The following STX8 variants were observed in gnomAD, a reference collection of about 807,000 sequenced individuals.
STX8 encodes the protein syntaxin-8.
STX8 carries 23 observed loss-of-function variants against 37.5 expected under a neutral mutation model. The ratio of observed to expected loss-of-function variants is 0.61; its 90% confidence interval spans 0.44 to 0.87. The LOEUF (loss-of-function observed/expected upper bound fraction) is 0.87, where lower values mean the gene tolerates loss of function less well. Ranked by LOEUF, STX8 falls within the 40% of genes least tolerant of loss-of-function variation. The probability of loss-of-function intolerance (pLI) is 0.00; values close to 1 mark genes in which losing one functional copy is unlikely to be tolerated. For missense variants in STX8, 313 were observed against 284.7 expected (o/e 1.10, Z -0.71); for synonymous variants, 115 against 99.1 (o/e 1.16, Z -0.95).
intron 7 of STX8, among the ~76,000 whole-genome samples, chr17:9,300,315 G>A (rs1189626347): frequency 8.6e-6 from 1 of 116,512 alleles, no homozygotes; most frequent in African/African-American, 3.1e-5. Context: ...TGGGCAACAA[G>A]AGCGAAACTC....
In STX8 at chr17:9,445,051, G is replaced by A. The variant is rs1597676553; in HGVS notation, c.541+46778C>T. ...CAGATTGATGTGTAGTTCGAGTGGAGAAGCTAGCTAAAGAGAACTTAGGGA... is the reference window on the plus strand; with the variant it reads ...CAGATTGATGTGTAGTTCGAGTGGAAAAGCTAGCTAAAGAGAACTTAGGGA... On this transcript the variant is annotated intron_variant, in intron 6 of 7. Transcript: ENST00000306357. Among the ~76,000 whole-genome samples, 5 of 151,954 alleles carry A rather than the reference G, an allele frequency of 3.3e-5. No homozygotes were observed. In the South Asian group the frequency reaches 1.0e-3, roughly 32 times the overall value.
At chr17:9,295,361 T>C (rs145308355) in intron 7 of STX8, among the ~76,000 whole-genome samples, 3 of 152,358 alleles carry the variant, frequency 2.0e-5, no homozygotes, top group Non-Finnish European at 4.4e-5. Context: ...TAGTCAACTT[T>C]ATAGTCCTGG....
intron 7 of STX8, among the ~76,000 whole-genome samples, chr17:9,308,936 CAT>C (rs904394863): frequency 6.6e-6 from 1 of 151,774 alleles, no homozygotes; most frequent in Non-Finnish European, 1.5e-5. Flanking sequence ...CAAGGATAAA[CAT>C]AAAAGGAACC....
At chr17:9,529,587 A>G (rs915882963) in intron 4 of STX8, among the ~76,000 whole-genome samples, 1 of 152,030 alleles carries the variant, frequency 6.6e-6, no homozygotes, top group Admixed American at 6.6e-5. Flanking sequence ...ACTTCCCCCA[A>G]AGGGAACCGC....
rs372135016 is a variant in STX8, at chr17:9,483,210, T to C, written c.541+8619A>G. 9.2e-5 allele frequency among the ~76,000 whole-genome samples: 14 copies of C among 152,218 alleles called. No individual in the cohort carries two copies. In the South Asian group the frequency reaches 2.7e-3, roughly 29 times the overall value. On this transcript the variant is annotated intron_variant, in intron 6 of 7. Transcript: ENST00000306357. ...CCCCCGCAGAAGCTCTCAGGAAGAATCCATTTCCTGGCTTTATTCCAGCTT... is the reference window on the plus strand; with the variant it reads ...CCCCCGCAGAAGCTCTCAGGAAGAACCCATTTCCTGGCTTTATTCCAGCTT...
At chr17:9,309,796 T>C (rs1020002773) in intron 7 of STX8, among the ~76,000 whole-genome samples, 2 of 152,132 alleles carry the variant, frequency 1.3e-5, no homozygotes, top group Non-Finnish European at 2.9e-5. Flanking sequence ...ATAGGAAAAG[T>C]ACAAATATTA....
At chr17:9,455,197 G>A (rs2142409028) in intron 6 of STX8, among the ~76,000 whole-genome samples, 1 of 152,038 alleles carries the variant, frequency 6.6e-6, no homozygotes, top group South Asian at 2.1e-4. Flanking sequence ...GCAAGACCCT[G>A]TCTCTTAAAA....
At chr17:9,344,792 C>G (rs536473549) in intron 7 of STX8, among the ~76,000 whole-genome samples, 2 of 152,148 alleles carry the variant, frequency 1.3e-5, no homozygotes, top group African/African-American at 4.8e-5. Context: ...TCAAACTAAG[C>G]GACTCTAAAA....
intron 4 of STX8, among the ~76,000 whole-genome samples, chr17:9,522,514 G>C (rs967522488): frequency 1.5e-5 from 2 of 137,824 alleles, no homozygotes; most frequent in Admixed American, 8.0e-5. Context: ...AGGCTAACAC[G>C]GTGAAACTCC....
At chr17:9,284,574 C>T (rs1299654034) in intron 7 of STX8, among the ~76,000 whole-genome samples, 1 of 152,040 alleles carries the variant, frequency 6.6e-6, no homozygotes, top group Non-Finnish European at 1.5e-5. Flanking sequence ...AAGATATGAG[C>T]AATGACAGTT....
chr17:9,492,042 A>G (rs1164153081), intron 5 of STX8, 121 bp from the exon 6 acceptor site: 1 of 629,656 alleles, frequency 1.6e-6, no homozygotes, highest in African/African-American at 1.8e-5. Context: ...AAAAGAGAAA[A>G]GAGTTAACAT....
Position 9,395,791 on chromosome 17 carries a change from C to A in STX8, c.542-17138G>T, listed in dbSNP as rs1000299834. Among the ~76,000 whole-genome samples the A allele has an allele frequency of 2.6e-5, 4 of 152,254 alleles. No individual in the cohort carries two copies. The Middle Eastern group carries it at 0.01, about 388-fold the overall frequency. On this transcript the variant is annotated intron_variant, in intron 6 of 7. Coordinates refer to ENST00000306357, the MANE Select transcript of STX8 (RefSeq NM_004853.3). ...AGCCAAAAATGACTAAGATCCAAGACAATTATACCCAGAAGTTCAAATGTG... is the reference window on the plus strand; with the variant it reads ...AGCCAAAAATGACTAAGATCCAAGAAAATTATACCCAGAAGTTCAAATGTG...
chr17:9,564,219 T>C (rs923771552), intron 2 of STX8, among the ~76,000 whole-genome samples: 2 of 150,170 alleles, frequency 1.3e-5, no homozygotes, highest in East Asian at 2.0e-4. Flanking sequence ...CTATTCAACA[T>C]AGTATTGGAA....
intron 6 of STX8, among the ~76,000 whole-genome samples, chr17:9,468,265 G>A (rs533270853): frequency 3.6e-4 from 55 of 151,830 alleles, no homozygotes; most frequent in Admixed American, 2.3e-3. Context: ...GTGCACCACC[G>A]CACCCGGCTA....
chr17:9,426,955 G>A (rs1237016273), intron 6 of STX8, among the ~76,000 whole-genome samples: 1 of 151,896 alleles, frequency 6.6e-6, no homozygotes, highest in Non-Finnish European at 1.5e-5. Flanking sequence ...TACTAGTTAA[G>A]AGATAGAAAG....
intron 6 of STX8, among the ~76,000 whole-genome samples, chr17:9,399,228 T>C (rs982296840): frequency 6.6e-6 from 1 of 152,144 alleles, no homozygotes; most frequent in Admixed American, 6.6e-5. Flanking sequence ...AGCAGGCCCA[T>C]TTCTTCCATT....
chr17:9,497,366 G>C (rs1223849686), intron 5 of STX8, among the ~76,000 whole-genome samples: 1 of 152,184 alleles, frequency 6.6e-6, no homozygotes, highest in Non-Finnish European at 1.5e-5. Flanking sequence ...AATGGCATGT[G>C]ACTATAGTTT....
intron 7 of STX8, among the ~76,000 whole-genome samples, chr17:9,314,990 T>C (rs912917585): frequency 6.6e-6 from 1 of 150,546 alleles, no homozygotes; most frequent in Admixed American, 6.6e-5. Context: ...TAGTCCCAGC[T>C]ACTTGGGAGG....
chr17:9,349,484 C>T (rs767323381), intron 7 of STX8, among the ~76,000 whole-genome samples: 33 of 151,676 alleles, frequency 2.2e-4, no homozygotes, highest in Non-Finnish European at 3.5e-4. Flanking sequence ...CTACGCCTGG[C>T]TAATTTTTTG....
Sources: gnomAD v4.1 joint callset for allele counts (sites outside exome capture counted in the v4.1 genomes callset) on GRCh38, gnomAD v4.1.1 for gene constraint, MANE v1.5 for transcripts, NCBI Gene and HGNC (gene_info 2026-07-23, HGNC 2026-07-21) for gene names.